The following SETBP1 variants were observed in gnomAD, a reference collection of about 807,000 sequenced individuals.
SETBP1 encodes the protein SET-binding protein.
A neutral mutation model predicts 101.0 loss-of-function variants in SETBP1; 9 were observed. That is an observed-to-expected ratio of 0.09 (90% confidence interval 0.05 to 0.16). The LOEUF (loss-of-function observed/expected upper bound fraction) is 0.16, where lower values mean the gene tolerates loss of function less well. Among genes scored for constraint, SETBP1 ranks in the 10% least tolerant of loss-of-function variants. SETBP1 has a pLI of 1.00. For missense variants in SETBP1, 1,858 were observed against 2,033.8 expected (o/e 0.91, Z 1.66); for synonymous variants, 818 against 788.5 (o/e 1.04, Z -0.63).
intron 2 of SETBP1, among the ~76,000 whole-genome samples, chr18:44,764,046 G>C (rs2070713733): frequency 6.6e-6 from 1 of 152,222 alleles, no homozygotes; most frequent in Admixed American, 6.5e-5. Flanking sequence ...ATAGTAGCTA[G>C]AGTAATCATT....
chr18:44,709,205 C>A (rs189355661), intron 2 of SETBP1, among the ~76,000 whole-genome samples: 14 of 152,200 alleles, frequency 9.2e-5, no homozygotes, highest in African/African-American at 3.1e-4. Context: ...TTTGGACCCC[C>A]CCAAGGAAGG....
At chr18:44,788,780 T>A (rs1029304813) in intron 2 of SETBP1, among the ~76,000 whole-genome samples, 25 of 149,908 alleles carry the variant, frequency 1.7e-4, no homozygotes, top group African/African-American at 6.2e-4. Context: ...ATTTTTTTTT[T>A]TCCTTTTTAA....
chr18:44,967,798 A>G (rs934790928), intron 4 of SETBP1, among the ~76,000 whole-genome samples: 2 of 152,106 alleles, frequency 1.3e-5, no homozygotes, highest in African/African-American at 2.4e-5. Context: ...CCCCCACCAC[A>G]CCACAGCCCC....
intron 4 of SETBP1, among the ~76,000 whole-genome samples, chr18:45,000,029 A>G (rs1006684262): frequency 6.6e-6 from 1 of 152,264 alleles, no homozygotes; most frequent in African/African-American, 2.4e-5. Context: ...TCTGTAGTCC[A>G]ATGTTACGTT....
Position 44,946,110 on chromosome 18 carries a change from C to CA in SETBP1, c.541-3770dup, listed in dbSNP as rs1438054533. ...CTTGTTCTCTGGACCTCTTAGAAAGCACTCCTTCTGGGTCCTCCCTGCCCC... is the reference window on the plus strand; with the variant it reads ...CTTGTTCTCTGGACCTCTTAGAAAGCAACTCCTTCTGGGTCCTCCCTGCCCC... On this transcript the variant is annotated intron_variant, in intron 3 of 5. Coordinates refer to ENST00000649279, the MANE Select transcript of SETBP1 (RefSeq NM_015559.3). Among the ~76,000 whole-genome samples, 57 of 152,220 alleles carry CA rather than the reference C, an allele frequency of 3.7e-4. 1 individual carries two copies. Among genetic ancestry groups the CA allele is most frequent in the Admixed American group, 3.7e-3 (57 of 15,284 alleles).
In SETBP1 at chr18:45,023,772, C is replaced by T. The variant is rs556210158; in HGVS notation, c.4001-14713C>T. ...GTTCTTTGGCTTTGTTCCTGGCTAGCCTGTTCTGAGCATATTCTCTGTGCC... is the reference window on the plus strand; with the variant it reads ...GTTCTTTGGCTTTGTTCCTGGCTAGTCTGTTCTGAGCATATTCTCTGTGCC... On this transcript the variant is annotated intron_variant, in intron 4 of 5. Coordinates refer to ENST00000649279, the MANE Select transcript of SETBP1 (RefSeq NM_015559.3). 2.1e-3 allele frequency among the ~76,000 whole-genome samples: 325 copies of T among 152,270 alleles called. 2 individuals are homozygous for T. The highest frequency in any genetic ancestry group is 3.3e-3 in the Non-Finnish European group (225 of 68,020).
intron 2 of SETBP1, among the ~76,000 whole-genome samples, chr18:44,781,630 T>C (rs545643167): frequency 6.6e-6 from 1 of 151,982 alleles, no homozygotes; most frequent in Admixed American, 6.6e-5. Context: ...GAGGAATGAA[T>C]GAATGAAGAA....
intron 2 of SETBP1, among the ~76,000 whole-genome samples, chr18:44,868,556 A>T (rs2069179661): frequency 6.6e-6 from 1 of 151,820 alleles, no homozygotes. Context: ...TTAGCCGGGC[A>T]TGGTGGCAGG....
intron 4 of SETBP1, among the ~76,000 whole-genome samples, chr18:44,963,674 G>A (rs1241831001): frequency 6.6e-6 from 1 of 151,512 alleles, no homozygotes; most frequent in South Asian, 2.1e-4. Flanking sequence ...GAATTGCCTG[G>A]GCCCAGGAGT....
At chr18:44,865,808 C>G (rs532570128) in intron 2 of SETBP1, among the ~76,000 whole-genome samples, 1 of 152,122 alleles carries the variant, frequency 6.6e-6, no homozygotes, top group South Asian at 2.1e-4. Flanking sequence ...TTGTACATAC[C>G]GTTTTTTCAG....
chr18:44,698,414 A>C (rs2069056027), intron 1 of SETBP1, among the ~76,000 whole-genome samples: 1 of 152,178 alleles, frequency 6.6e-6, no homozygotes. Flanking sequence ...GAAGTTCATG[A>C]CTTTGCCATG....
intron 4 of SETBP1, among the ~76,000 whole-genome samples, chr18:45,036,060 G>A (rs1216275373): frequency 1.3e-5 from 2 of 152,182 alleles, no homozygotes; most frequent in Admixed American, 6.5e-5. Flanking sequence ...GTGGCCAGGT[G>A]CCGTGGCTTA....
chr18:44,724,750 A>G (rs1221791366), intron 2 of SETBP1, among the ~76,000 whole-genome samples: 1 of 152,228 alleles, frequency 6.6e-6, no homozygotes, highest in African/African-American at 2.4e-5. Context: ...GCAAAGGCCC[A>G]GGATTGAAAT....
At chr18:44,939,687 T>A (rs1451170462) in intron 3 of SETBP1, among the ~76,000 whole-genome samples, 1 of 152,222 alleles carries the variant, frequency 6.6e-6, no homozygotes, top group Non-Finnish European at 1.5e-5. Context: ...TATGATAGTG[T>A]CAGTTGCTCC....
intron 2 of SETBP1, among the ~76,000 whole-genome samples, chr18:44,765,360 C>T (rs536828012): frequency 1.3e-5 from 2 of 152,074 alleles, no homozygotes; most frequent in Admixed American, 6.5e-5. Flanking sequence ...GATAGCGACA[C>T]GAGGGTTTTG....
chr18:44,966,007 G>C (rs1172994296), intron 4 of SETBP1, among the ~76,000 whole-genome samples: 3 of 151,910 alleles, frequency 2.0e-5, no homozygotes, highest in African/African-American at 7.3e-5. Flanking sequence ...TGATCCTTTG[G>C]GCAATAATCA....
intron 4 of SETBP1, chr18:44,986,843 G>A (rs1301420691): frequency 2.0e-5 from 3 of 151,818 alleles, no homozygotes; most frequent in Non-Finnish European, 4.4e-5. Flanking sequence ...ACCTGCCTGA[G>A]GCTGTTAACT....
At chr18:44,693,172 G>A (rs767063437) in intron 1 of SETBP1, among the ~76,000 whole-genome samples, 82 of 152,300 alleles carry the variant, frequency 5.4e-4, no homozygotes, top group Non-Finnish European at 9.4e-4. Flanking sequence ...AGGAATTCCG[G>A]AAAGATTACT....
intron 3 of SETBP1, among the ~76,000 whole-genome samples, chr18:44,895,945 T>C (rs546184334): frequency 3.2e-4 from 48 of 152,058 alleles, no homozygotes; most frequent in Non-Finnish European, 6.2e-4. Context: ...AAAGTAAAAA[T>C]CATTTCCCCA....
Sources: gnomAD v4.1 joint callset for allele counts (sites outside exome capture counted in the v4.1 genomes callset) on GRCh38, gnomAD v4.1.1 for gene constraint, MANE v1.5 for transcripts, NCBI Gene and HGNC (gene_info 2026-07-23, HGNC 2026-07-21) for gene names.